UNKL: variants seen among roughly 807,000 people sequenced by gnomAD.
The protein encoded by UNKL is unk like zinc finger.
A neutral mutation model predicts 78.0 loss-of-function variants in UNKL; 60 were observed. The ratio of observed to expected loss-of-function variants is 0.77; its 90% CI spans 0.63 to 0.95. The LOEUF is 0.95. Ranked by LOEUF, UNKL falls within the 40% of genes least tolerant of loss-of-function variation. UNKL has a pLI of 0.00. For missense variants in UNKL, 1,159 were observed against 1,045.7 expected (o/e 1.11, Z -1.49); for synonymous variants, 608 against 474.8 (o/e 1.28, Z -3.65).
At position 1,370,278 on chromosome 16, in the gene UNKL, G is replaced by A; in HGVS notation, c.1437C>T (p.Ser479=). 3 of 1,534,550 alleles carry A rather than the reference G, an allele frequency of 2.0e-6. No individual in the cohort carries two copies. Among genetic ancestry groups the A allele is most frequent in the Non-Finnish European group, 1.7e-6 (2 of 1,145,244 alleles). The change falls in exon 12 of 15, where the codon TCC becomes TCT. Residue 479 remains serine, a synonymous_variant. Transcript: ENST00000389221. The part of the protein sequence containing the change: ...LPRAPSLHSP[S]SASTSPLGSL... ...AACCGAGCGGCGAGGTGGACGCAGA[G>A]GATGGCGAGTGTAGCGATGGTGCTC...
In UNKL at chr16:1,373,167, G is replaced by A. The variant is rs1405533404; in HGVS notation, c.1265-1556C>T. Among the ~76,000 whole-genome samples the A allele has an allele frequency of 5.5e-4, 2 of 3,616 alleles. 1 individual carries two copies. The highest frequency in any genetic ancestry group is 1.1e-3 in the Non-Finnish European group (2 of 1,740). The allele number at this position is 3,616 out of a possible 152,430, so 2.4% of individuals were successfully genotyped here. ...CAGCAGCATGGAACACACCGCACAG[G>A]GACTGCCGGCCAACACCGCACAGAG... On this transcript the variant is annotated intron_variant, in intron 10 of 14. Coordinates refer to ENST00000389221, the MANE Select transcript of UNKL (RefSeq NM_001372107.1).
At chr16:1,381,804 C>A (rs927234400) in intron 10 of UNKL, among the ~76,000 whole-genome samples, 1 of 152,142 alleles carries the variant, frequency 6.6e-6, no homozygotes, top group Non-Finnish European at 1.5e-5. Flanking sequence ...CTCACCGGGC[C>A]CGGTGGTGCC....
Position 1,364,784 on chromosome 16 carries a change from G to A in UNKL, c.*1456C>T, listed in dbSNP as rs2035106432. 6.6e-6 allele frequency: 1 copy of A among 152,266 alleles called. No homozygotes were observed. The highest frequency in any genetic ancestry group is 2.4e-5 in the African/African-American group (1 of 41,454). The allele number at this position is 152,266 out of a possible 1,614,324, so 9.4% of individuals were successfully genotyped here. ...CGATGATAACTGGCAGCGCGGGTCA[G>A]GTGACTGCCACATACACCCGGCACC... On this transcript the variant is annotated 3_prime_UTR_variant, in exon 15 of 15. Transcript: ENST00000389221.
rs1162742912 is a variant in UNKL, at chr16:1,370,137, G to T, written c.1578C>A (p.Ser526Arg). 2.0e-6 allele frequency: 3 copies of T among 1,524,648 alleles called. No homozygotes were observed. Among genetic ancestry groups the T allele is most frequent in the Non-Finnish European group, 2.7e-6 (3 of 1,131,906 alleles). The allele number at this position is 1,524,648 out of a possible 1,614,324, so 94.4% of individuals were successfully genotyped here. A position where few individuals can be genotyped will look rare whatever the true frequency, so the allele number is the denominator to read the frequency against. Reference sequence around the variant, plus strand: ...GAGGGAGCCGGCACTCACCTAGGGGGCTGTAGGATGAGGCTGCAGAGCCCA... The same window carrying T: ...GAGGGAGCCGGCACTCACCTAGGGGTCTGTAGGATGAGGCTGCAGAGCCCA... The part of the protein sequence containing the change: ...GTLGSAASSY[S>R]PLGLNGVPGS... The change falls in exon 12 of 15, where the codon AGC becomes AGA. Residue 526 changes from serine to arginine, a missense_variant. Transcript: ENST00000389221.
At chr16:1,370,044 T>A (rs898465743) in intron 12 of UNKL, 86 bp downstream of exon 12, 7 of 1,550,868 alleles carry the variant, frequency 4.5e-6, no homozygotes, top group African/African-American at 4.1e-5. Flanking sequence ...AGGTTCCGTG[T>A]GAGGCCCCTC....
rs531317576 is a variant in UNKL, at chr16:1,382,445, C to T, written c.1264+2763G>A. ...ACGAAACAAACGCAAACACTGCTTG[C>T]GCCTGTGCCCCTGCCCCCGCCCCGA... On this transcript the variant is annotated intron_variant, in intron 10 of 14. Transcript: ENST00000389221. 4.1e-4 allele frequency among the ~76,000 whole-genome samples: 62 copies of T among 152,286 alleles called. 1 individual carries two copies. Among genetic ancestry groups the T allele is most frequent in the Non-Finnish European group, 6.9e-4 (47 of 68,022 alleles).
intron 10 of UNKL, chr16:1,383,801 T>C (rs2036703119): frequency 2.2e-6 from 1 of 445,296 alleles, no homozygotes; most frequent in Non-Finnish European, 4.6e-6. Context: ...CCAGAGTGTG[T>C]CCAGGCAGGG....
chr16:1,370,779 G>C (rs114282241), intron 11 of UNKL, among the ~76,000 whole-genome samples: 18 of 152,240 alleles, frequency 1.2e-4, no homozygotes, highest in African/African-American at 3.9e-4. Context: ...TGTTGTATAC[G>C]ATGTTAAGAT....
At chr16:1,414,149 A>C in intron 1 of UNKL, 94 bp from the exon 2 acceptor site, 2 of 1,283,234 alleles carry the variant, frequency 1.6e-6, no homozygotes, top group Non-Finnish European at 2.1e-6. Flanking sequence ...CAGGAGCCTC[A>C]ACCCAGGGTC....
chr16:1,406,540 C>T (rs755800010), intron 2 of UNKL, among the ~76,000 whole-genome samples: 37 of 152,106 alleles, frequency 2.4e-4, no homozygotes, highest in Non-Finnish European at 2.4e-4. Flanking sequence ...CAGAATCTTG[C>T]TGTTTCCCAG....
rs1256768659 is a variant in UNKL at position 1,364,816 on chromosome 16, C to G, written c.*1424G>C. 4 of 152,226 alleles carry G rather than the reference C, an allele frequency of 2.6e-5. No homozygotes were observed. The highest frequency in any genetic ancestry group is 1.5e-5 in the Non-Finnish European group (1 of 68,086). 9.4% of individuals were successfully genotyped at this position (152,226 alleles called of 1,614,324 possible). ...GCCACATACACCCGGCACCCCGGAC[C>G]CTGGCGCACACACGGCCCGAGCATC... On this transcript the variant is annotated 3_prime_UTR_variant, in exon 15 of 15. Coordinates refer to ENST00000389221, the MANE Select transcript of UNKL (RefSeq NM_001372107.1).
intron 2 of UNKL, among the ~76,000 whole-genome samples, chr16:1,410,130 G>C (rs1280344860): frequency 6.6e-6 from 1 of 152,136 alleles, no homozygotes; most frequent in African/African-American, 2.4e-5. Flanking sequence ...GCCGGGTGCA[G>C]GGCTGCACAC....
At chr16:1,379,413 G>A (rs1265442915) in intron 10 of UNKL, 32 of 940,446 alleles carry the variant, frequency 3.4e-5, no homozygotes, top group Non-Finnish European at 4.1e-5. Context: ...CTGGGAAGCG[G>A]CGAGCGCCCG....
At chr16:1,386,920 G>A (rs1008938269) in intron 9 of UNKL, among the ~76,000 whole-genome samples, 1 of 152,112 alleles carries the variant, frequency 6.6e-6, no homozygotes, top group African/African-American at 2.4e-5. Context: ...AGAGCTCCCT[G>A]CCCAGGTGCG....
chr16:1,370,063 CGG>C, intron 12 of UNKL, 65 bp downstream of exon 12: 1 of 1,549,402 alleles, frequency 6.5e-7, no homozygotes, highest in Middle Eastern at 1.7e-4. Flanking sequence ...TCAGTCAGGA[CGG>C]CATCTGGGAG....
At chr16:1,370,506 C>T (rs2035716774) in intron 11 of UNKL, 149 bp from the exon 12 acceptor site, 6 of 1,323,930 alleles carry the variant, frequency 4.5e-6, no homozygotes, top group Non-Finnish European at 6.0e-6. Context: ...CCAGCCACCA[C>T]CATCTATGTG....
chr16:1,413,708 A>C, intron 2 of UNKL, 138 bp downstream of exon 2: 1 of 987,886 alleles, frequency 1.0e-6, no homozygotes, highest in Non-Finnish European at 1.4e-6. Context: ...TCACTAGAAA[A>C]TTTCAGCGTA....
rs1383642747 is a variant in UNKL at position 1,370,015 on chromosome 16, C to T, written c.1585+115G>A. ...TGTGAGCAGCAGGTCATGTGGTTTG[C>T]CACCACAGATAGGGCACAAGGTTCC... is the stretch of plus-strand genomic sequence containing the variant. On this transcript the variant is annotated intron_variant, in intron 12 of 14. Transcript: ENST00000389221. 5 of 1,551,066 alleles carry T rather than the reference C, an allele frequency of 3.2e-6. No individual in the cohort carries two copies. The Admixed American group carries it at 9.8e-5, about 30-fold the overall frequency.
In UNKL at chr16:1,403,053, T is replaced by C; in HGVS notation, c.464+115A>G. 1.6e-6 allele frequency: 2 copies of C among 1,276,712 alleles called. No homozygotes were observed. Among genetic ancestry groups the C allele is most frequent in the South Asian group, 3.1e-5 (2 of 64,468 alleles). The allele number at this position is 1,276,712 out of a possible 1,614,324, so 79.1% of individuals were successfully genotyped here. The stretch of plus-strand genomic sequence containing the variant: ...AAAGAAATTCTGGAGGAGAGAGATT[T>C]GGGCCAGCAGAGCCTGCAGCAGCAG... On this transcript the variant is annotated intron_variant, in intron 3 of 14. Transcript: ENST00000389221. This position sits in a 1 kb window ranked among gnomAD's most constrained non-coding sequence, Gnocchi z 4.8.
Sources: allele counts gnomAD v4.1 joint callset (sites outside exome capture counted in the v4.1 genomes callset), GRCh38; gene constraint gnomAD v4.1.1; non-coding constraint Gnocchi (gnomAD v3.1); transcripts MANE v1.5; gene names NCBI Gene and HGNC (gene_info 2026-07-23, HGNC 2026-07-21).